LRP1B: variants seen among roughly 807,000 people sequenced by gnomAD.
LRP1B encodes LDL receptor related protein 1B, also known as low-density lipoprotein receptor-related protein 1B.
LRP1B carries 217 observed loss-of-function variants against 556.6 expected under a neutral mutation model. The ratio of observed to expected loss-of-function variants is 0.39; its 90% CI spans 0.35 to 0.44. The LOEUF (loss-of-function observed/expected upper bound fraction) is 0.44, where lower values mean the gene tolerates loss of function less well. LRP1B is among the 20% of genes least tolerant of loss of function. The pLI, the probability that LRP1B is intolerant of heterozygous loss-of-function variation, is 1.00. For synonymous variants in LRP1B, 2,047 were observed against 1,865.8 expected (o/e 1.10, Z -2.50); for missense variants, 5,053 against 5,620.8 (o/e 0.90, Z 3.23).
At chr2:141,053,826 A>ATGTGTG (rs200557177) in intron 10 of LRP1B, among the ~76,000 whole-genome samples, 5,606 of 62,478 alleles carry the variant, frequency 0.09, 116 homozygotes, top group South Asian at 0.19. Flanking sequence ...ATGTGTGTAT[A>ATGTGTG]TATGTGTGTG....
chr2:141,147,901 G>T (rs548788494), intron 7 of LRP1B, among the ~76,000 whole-genome samples: 4 of 151,948 alleles, frequency 2.6e-5, no homozygotes, highest in African/African-American at 9.7e-5. Flanking sequence ...AATGCTTCTC[G>T]TTGTGTTATA....
chr2:141,598,369 A>T (rs543479113), intron 2 of LRP1B, among the ~76,000 whole-genome samples: 1 of 152,206 alleles, frequency 6.6e-6, no homozygotes, highest in South Asian at 2.1e-4. Flanking sequence ...AATGACATTA[A>T]TTTTTTAAAA....
intron 7 of LRP1B, among the ~76,000 whole-genome samples, chr2:141,069,680 ACGACACACTGAC>A (rs1699581309): frequency 6.6e-6 from 1 of 152,076 alleles, no homozygotes; most frequent in Admixed American, 6.6e-5. Flanking sequence ...CTAAAAGGTA[ACGACACACTGAC>A]CTAACATTTT....
chr2:142,122,023 C>T (rs1707473738), intron 1 of LRP1B, among the ~76,000 whole-genome samples: 1 of 152,120 alleles, frequency 6.6e-6, no homozygotes, highest in African/African-American at 2.4e-5. Context: ...TAATGCAATA[C>T]ATGATACGAT....
At chr2:140,628,389 T>A (rs150495459) in intron 41 of LRP1B, among the ~76,000 whole-genome samples, 2 of 151,816 alleles carry the variant, frequency 1.3e-5, no homozygotes, top group East Asian at 3.9e-4. Flanking sequence ...AAAAATAAAT[T>A]AGCCGGGCAT....
chr2:141,286,656 C>T (rs1248166897), intron 3 of LRP1B: 1 of 423,316 alleles, frequency 2.4e-6, no homozygotes, highest in Non-Finnish European at 4.8e-6. Context: ...AGAGAGATAA[C>T]ATCTTTAAAA....
chr2:141,480,504 A>G lies in LRP1B; in HGVS notation c.235T>C (p.Leu79=), dbSNP rs1682878160. ...CPEEVEIKCP[L]NHIACLGTNK... ...GTACCAAGGCAAGCAATGTGATTCA[A>G]GGGGCACTTGATTTCTACCTCCTCG... is the stretch of plus-strand genomic sequence containing the variant. The change falls in exon 3 of 91, where the codon TTG becomes CTG. Residue 79 remains leucine, a synonymous_variant. Transcript: ENST00000389484. The G allele has an allele frequency of 1.9e-6, 3 of 1,613,892 alleles. No individual in the cohort carries two copies. Among genetic ancestry groups the G allele is most frequent in the Non-Finnish European group, 2.5e-6 (3 of 1,179,926 alleles).
At chr2:141,004,882 TC>T (rs1449186421) in intron 15 of LRP1B, among the ~76,000 whole-genome samples, 1 of 152,062 alleles carries the variant, frequency 6.6e-6, no homozygotes, top group African/African-American at 2.4e-5. Context: ...TCCAGTTAAT[TC>T]ACTATTTGGA....
At chr2:141,754,080 C>G (rs1288884739) in intron 2 of LRP1B, among the ~76,000 whole-genome samples, 1 of 152,172 alleles carries the variant, frequency 6.6e-6, no homozygotes, top group East Asian at 1.9e-4. Flanking sequence ...TGTTGGTCAT[C>G]AGAGAATATG....
chr2:141,531,936 G>A (rs1227911935), intron 2 of LRP1B, among the ~76,000 whole-genome samples: 1 of 152,070 alleles, frequency 6.6e-6, no homozygotes, highest in Admixed American at 6.6e-5. Flanking sequence ...GGAATTATAA[G>A]TGCTAGCCCC....
rs533522374 is a variant in LRP1B at position 141,678,786 on chromosome 2, A to T, written c.205+131493T>A. Among the ~76,000 whole-genome samples, 14 of 152,316 alleles carry T rather than the reference A, an allele frequency of 9.2e-5. No individual in the cohort carries two copies. In the South Asian group the frequency reaches 2.9e-3, roughly 32 times the overall value. ...ACATATGAAAAGATGTCCAATTAATAGTTAGAAAAATGTGACAGTGATACA... is the reference window on the plus strand; with the variant it reads ...ACATATGAAAAGATGTCCAATTAATTGTTAGAAAAATGTGACAGTGATACA... On this transcript the variant is annotated intron_variant, in intron 2 of 90. Transcript: ENST00000389484.
chr2:141,079,141 C>T lies in LRP1B; in HGVS notation c.1014-16868G>A, dbSNP rs116272691. 6.5e-3 allele frequency among the ~76,000 whole-genome samples: 992 copies of T among 152,112 alleles called. 13 individuals carry two copies. The highest frequency in any genetic ancestry group is 0.023 in the African/African-American group (954 of 41,414). On this transcript the variant is annotated intron_variant, in intron 7 of 90. Transcript: ENST00000389484. ...TATCTTTACACTGAATTTTGACCAT[C>T]ATTTGCAAGTATAAAAAACAAAACA...
intron 3 of LRP1B, among the ~76,000 whole-genome samples, chr2:141,403,772 C>A (rs757185574): frequency 1.3e-5 from 2 of 151,978 alleles, no homozygotes; most frequent in East Asian, 1.9e-4. Context: ...TATAATATAG[C>A]GAATTCAGGT....
intron 1 of LRP1B, among the ~76,000 whole-genome samples, chr2:142,092,613 T>C (rs1706214480): frequency 6.6e-6 from 1 of 151,696 alleles, no homozygotes; most frequent in South Asian, 2.1e-4. Context: ...AGAGTTGGGG[T>C]AAATTTGTAA....
chr2:141,471,138 C>A (rs989703227), intron 3 of LRP1B, among the ~76,000 whole-genome samples: 1 of 152,196 alleles, frequency 6.6e-6, no homozygotes, highest in South Asian at 2.1e-4. Context: ...TACAGTAATG[C>A]ACATATATAT....
At chr2:142,086,635 AC>A (rs1332435981) in intron 1 of LRP1B, among the ~76,000 whole-genome samples, 11 of 29,304 alleles carry the variant, frequency 3.8e-4, no homozygotes, top group Admixed American at 1.3e-3. Flanking sequence ...AAACAAACAA[AC>A]AAACAAAAAA....
At chr2:141,052,704 C>A (rs958576461) in intron 10 of LRP1B, among the ~76,000 whole-genome samples, 1 of 151,956 alleles carries the variant, frequency 6.6e-6, no homozygotes, top group South Asian at 2.1e-4. Context: ...TTGCTAATAT[C>A]TCAGCTTATT....
At chr2:141,599,066 C>CCCCCCCCCCCCG (rs1687638982) in intron 2 of LRP1B, among the ~76,000 whole-genome samples, 1 of 78,708 alleles carries the variant, frequency 1.3e-5, no homozygotes. Context: ...CCCCCCCCCC[C>CCCCCCCCCCCCG]CCCCCCCCGC....
At chr2:140,408,032 C>T (rs966188609) in intron 66 of LRP1B, among the ~76,000 whole-genome samples, 11 of 151,908 alleles carry the variant, frequency 7.2e-5, no homozygotes, top group Admixed American at 6.6e-4. Context: ...TTTGCAGCAA[C>T]TTGGATGGAG....
Sources: allele counts gnomAD v4.1 joint callset (sites outside exome capture counted in the v4.1 genomes callset), GRCh38; gene constraint gnomAD v4.1.1; transcripts MANE v1.5; gene names NCBI Gene and HGNC (gene_info 2026-07-23, HGNC 2026-07-21).